ALOX5: variants seen among roughly 807,000 people sequenced by gnomAD.
ALOX5 encodes polyunsaturated fatty acid 5-lipoxygenase.
A neutral mutation model predicts 87.9 loss-of-function variants in ALOX5; 64 were observed. That is an observed-to-expected ratio of 0.73 (90% confidence interval 0.60 to 0.90). The LOEUF is 0.90. Ranked by LOEUF, ALOX5 falls within the 40% of genes least tolerant of loss-of-function variation. The pLI is 0.00. For missense variants in ALOX5, 822 were observed against 907.5 expected, an observed-to-expected ratio of 0.91 and a Z score of 1.21; for synonymous variants, 388 against 355.1, an observed-to-expected ratio of 1.09 and a Z score of -1.04.
intron 7 of ALOX5, among the ~76,000 whole-genome samples, chr10:45,431,559 A>G (rs1286091724): frequency 7.1e-6 from 1 of 141,220 alleles, no homozygotes; most frequent in Non-Finnish European, 1.5e-5. Context: ...TTATTTATTT[A>G]TTTATTTATT....
At chr10:45,412,417 C>A in intron 4 of ALOX5, 104 bp downstream of exon 4, 1 of 1,473,738 alleles carries the variant, frequency 6.8e-7, no homozygotes, top group Non-Finnish European at 9.2e-7. Context: ...GTTGGGGGAA[C>A]AGCCTAGCTG....
intron 1 of ALOX5, among the ~76,000 whole-genome samples, chr10:45,376,038 AG>A (rs1839597065): frequency 6.6e-6 from 1 of 152,132 alleles, no homozygotes; most frequent in Non-Finnish European, 1.5e-5. Flanking sequence ...ACACATCATA[AG>A]GTTCTAGAAG....
chr10:45,390,418 T>C (rs147882253), intron 2 of ALOX5, among the ~76,000 whole-genome samples: 3,418 of 152,256 alleles, frequency 0.022, 126 homozygotes, highest in African/African-American at 0.078. Flanking sequence ...ACACCTATTC[T>C]GAAATTGACC....
At chr10:45,379,570 T>G (rs1839756323) in intron 1 of ALOX5, among the ~76,000 whole-genome samples, 1 of 152,170 alleles carries the variant, frequency 6.6e-6, no homozygotes, top group Non-Finnish European at 1.5e-5. Context: ...GCACATGTAG[T>G]CACGAAGTGG....
chr10:45,441,290 C>A, intron 8 of ALOX5, 54 bp from the exon 9 acceptor site: 1 of 1,530,376 alleles, frequency 6.5e-7, no homozygotes. Context: ...GTCCCTGAGG[C>A]ACCAGGTCAC....
chr10:45,407,233 A>G (rs777293056), intron 3 of ALOX5, among the ~76,000 whole-genome samples: 4 of 151,792 alleles, frequency 2.6e-5, no homozygotes, highest in Admixed American at 6.5e-5. Context: ...ATCTAATGAT[A>G]GTTTGTTTCT....
At chr10:45,444,441 C>T (rs1842367393) in intron 13 of ALOX5, 155 bp downstream of exon 13, 1 of 1,064,032 alleles carries the variant, frequency 9.4e-7, no homozygotes, top group South Asian at 1.7e-5. Flanking sequence ...CAGCCGCCAC[C>T]AGGTCCCCCG....
chr10:45,385,411 G>T (rs532657615), intron 2 of ALOX5, among the ~76,000 whole-genome samples: 1 of 152,182 alleles, frequency 6.6e-6, no homozygotes, highest in African/African-American at 2.4e-5. Context: ...CTCTTCTGCC[G>T]TCAGTCCAGG....
chr10:45,388,430 A>G (rs1299525847), intron 2 of ALOX5, among the ~76,000 whole-genome samples: 1 of 152,204 alleles, frequency 6.6e-6, no homozygotes, highest in Non-Finnish European at 1.5e-5. Context: ...CCTAACTGGG[A>G]GGCACCCTCC....
Position 45,412,188 on chromosome 10 carries a change from C to T in ALOX5, c.432-3C>T, listed in dbSNP as rs369562709. ...TCAATTTCTTCTCCTTTCTCATGCTCAGATGGATGGAGTGGAACCCTGGCT... is the reference window on the plus strand; with the variant it reads ...TCAATTTCTTCTCCTTTCTCATGCTTAGATGGATGGAGTGGAACCCTGGCT... On this transcript the variant is annotated splice_polypyrimidine_tract_variant and splice_region_variant and intron_variant, in intron 3 of 13. Transcript: ENST00000374391. 4 of 1,614,066 alleles carry T rather than the reference C, an allele frequency of 2.5e-6. No individual in the cohort carries two copies. The highest frequency in any genetic ancestry group is 2.5e-6 in the Non-Finnish European group (3 of 1,180,032).
rs12762604 is a variant in ALOX5 at position 45,374,405 on chromosome 10, C to A, written c.126C>A (p.Phe42Leu). 7.7e-6 allele frequency: 12 copies of A among 1,564,540 alleles called. No individual in the cohort carries two copies. Among genetic ancestry groups the A allele is most frequent in the Non-Finnish European group, 1.0e-5 (12 of 1,160,104 alleles). Residue 42 changes from phenylalanine (F) to leucine (L), a missense_variant, in exon 1 of 14, where the codon TTC becomes TTA. Phe to Leu is a conservative substitution (Grantham distance 22). Transcript: ENST00000374391. Reference sequence around the variant, plus strand: ...AGAAGCACCTGCTGGACAAGCCCTTCTACAACGACTTCGAGCGTGGCGCGG... The same window carrying A: ...AGAAGCACCTGCTGGACAAGCCCTTATACAACGACTTCGAGCGTGGCGCGG... ...CSEKHLLDKPFYNDFERGAVD... is the reference protein window; with the variant it reads ...CSEKHLLDKPLYNDFERGAVD...
rs1842189442 is a variant in ALOX5 at position 45,440,376 on chromosome 10, A to G, written c.982-54A>G. On this transcript the variant is annotated intron_variant, in intron 7 of 13. Coordinates refer to ENST00000374391, the MANE Select transcript of ALOX5 (RefSeq NM_000698.5). ...TCCCAAGAGGCGAAGTTCTCCAACAACTATACTCTGAAGTGAAATATAGCA... is the reference window on the plus strand; with the variant it reads ...TCCCAAGAGGCGAAGTTCTCCAACAGCTATACTCTGAAGTGAAATATAGCA... 4 of 1,571,350 alleles carry G rather than the reference A, an allele frequency of 2.5e-6. No individual in the cohort carries two copies. In the African/African-American group the frequency reaches 4.1e-5, roughly 16 times the overall value.
intron 5 of ALOX5, 124 bp downstream of exon 5, chr10:45,424,271 C>T: frequency 2.5e-6 from 2 of 790,430 alleles, no homozygotes; most frequent in Non-Finnish European, 2.2e-6. Context: ...CTCGCTGCCA[C>T]CATGCCACCC....
chr10:45,399,779 G>A (rs1840633847), intron 3 of ALOX5, among the ~76,000 whole-genome samples: 1 of 152,128 alleles, frequency 6.6e-6, no homozygotes, highest in Non-Finnish European at 1.5e-5. Flanking sequence ...AAAGAACTCT[G>A]ACAACTCAAT....
At chr10:45,378,900 G>A (rs1488729746) in intron 1 of ALOX5, among the ~76,000 whole-genome samples, 1 of 152,132 alleles carries the variant, frequency 6.6e-6, no homozygotes, top group Non-Finnish European at 1.5e-5. Flanking sequence ...CCTGTCAGAT[G>A]GCAGATGGAG....
intron 3 of ALOX5, among the ~76,000 whole-genome samples, chr10:45,399,004 C>T (rs1840607945): frequency 6.6e-6 from 1 of 152,200 alleles, no homozygotes; most frequent in Non-Finnish European, 1.5e-5. Context: ...AAAACTTGTA[C>T]ATGCATGATT....
intron 4 of ALOX5, among the ~76,000 whole-genome samples, chr10:45,415,303 G>T (rs1841236954): frequency 6.6e-6 from 1 of 152,184 alleles, no homozygotes; most frequent in South Asian, 2.1e-4. Context: ...GATGAAGCTG[G>T]AAACCATTAT....
chr10:45,383,101 A>G (rs2132679251), intron 2 of ALOX5, among the ~76,000 whole-genome samples: 1 of 152,352 alleles, frequency 6.6e-6, no homozygotes, highest in Non-Finnish European at 1.5e-5. Context: ...AGGCAAGCTC[A>G]GGGTGCCCCA....
intron 1 of ALOX5, among the ~76,000 whole-genome samples, chr10:45,375,089 G>T (rs1421062642): frequency 2.0e-5 from 3 of 152,144 alleles, no homozygotes; most frequent in Non-Finnish European, 4.4e-5. Flanking sequence ...GACGGCACCT[G>T]GGCAGCTTAC....
Sources: allele counts gnomAD v4.1 joint callset (sites outside exome capture counted in the v4.1 genomes callset), GRCh38; gene constraint gnomAD v4.1.1; transcripts MANE v1.5; gene names NCBI Gene and HGNC (gene_info 2026-07-23, HGNC 2026-07-21).